Variants in SLIT3 observed in about 807,000 individuals in gnomAD.
SLIT3 encodes the protein slit homolog 3 protein.
A neutral mutation model predicts 184.0 loss-of-function variants in SLIT3; 68 were observed. That is an observed-to-expected ratio of 0.37 (90% confidence interval 0.30 to 0.45). The LOEUF (loss-of-function observed/expected upper bound fraction) is 0.45. Among genes scored for constraint, SLIT3 ranks in the 20% least tolerant of loss-of-function variants. The probability of loss-of-function intolerance (pLI) is 1.00; values close to 1 mark genes in which losing one functional copy is unlikely to be tolerated. For synonymous variants in SLIT3, 831 were observed against 828.6 expected, an observed-to-expected ratio of 1.00 and a Z score of -0.05; for missense variants, 1,707 against 2,026.0, an observed-to-expected ratio of 0.84 and a Z score of 3.02.
chr5:169,091,225 A>G (rs1759571823), intron 4 of SLIT3, among the ~76,000 whole-genome samples: 1 of 152,240 alleles, frequency 6.6e-6, no homozygotes, highest in African/African-American at 2.4e-5. Flanking sequence ...TAATATTTCT[A>G]GTCATCTAGG....
intron 4 of SLIT3, among the ~76,000 whole-genome samples, chr5:169,142,726 A>G (rs1761787178): frequency 6.6e-6 from 1 of 152,126 alleles, no homozygotes; most frequent in Admixed American, 6.6e-5. Context: ...GCCACCCTCT[A>G]TGGGAAAACC....
intron 11 of SLIT3, among the ~76,000 whole-genome samples, chr5:168,788,596 AT>A (rs142362511): frequency 0.07 from 10,587 of 151,020 alleles, 1,213 homozygotes; most frequent in African/African-American, 0.24. Context: ...ACAAAACAAG[AT>A]TTTTTTTTGA....
At chr5:168,994,071 G>C (rs1755423480) in intron 4 of SLIT3, 1 of 152,298 alleles carries the variant, frequency 6.6e-6, no homozygotes, top group Admixed American at 6.5e-5. Context: ...TTGTGTGGCT[G>C]TAGGAGGAGA....
chr5:168,666,803 A>T, intron 35 of SLIT3, 114 bp from the exon 36 acceptor site: 1 of 1,523,928 alleles, frequency 6.6e-7, no homozygotes, highest in East Asian at 2.4e-5. Flanking sequence ...GTAAGAATTT[A>T]TTCACTCATC....
intron 5 of SLIT3, among the ~76,000 whole-genome samples, chr5:168,865,228 CTT>C (rs1413256238): frequency 1.0e-4 from 15 of 149,524 alleles, no homozygotes; most frequent in African/African-American, 2.9e-4. Flanking sequence ...TAAAATCACT[CTT>C]AAGTATTTAC....
chr5:169,090,109 G>A (rs1759513092), intron 4 of SLIT3, among the ~76,000 whole-genome samples: 1 of 152,140 alleles, frequency 6.6e-6, no homozygotes, highest in African/African-American at 2.4e-5. Context: ...GTTCCCACCT[G>A]TACGCTAGAG....
intron 4 of SLIT3, among the ~76,000 whole-genome samples, chr5:169,123,766 G>C (rs1026389892): frequency 6.6e-6 from 1 of 152,236 alleles, no homozygotes; most frequent in Admixed American, 6.5e-5. Flanking sequence ...CCAAGAGGTG[G>C]AAGGGGTCCA....
intron 4 of SLIT3, among the ~76,000 whole-genome samples, chr5:169,053,741 C>A (rs1329112383): frequency 6.6e-6 from 1 of 151,614 alleles, no homozygotes; most frequent in African/African-American, 2.4e-5. Context: ...ATTATGTCCC[C>A]CCAAAAGATT....
chr5:169,279,316 C>T (rs147021775), intron 1 of SLIT3, among the ~76,000 whole-genome samples: 1 of 152,226 alleles, frequency 6.6e-6, no homozygotes, highest in East Asian at 1.9e-4. Flanking sequence ...ACAACAGATG[C>T]TACTTATTGA....
In SLIT3 at chr5:168,928,043, A is replaced by T. The variant is rs1581218576; in HGVS notation, c.414-44707T>A. ...TAGCGTGGATGTAGCTATTCCTCAC[A>T]TCAGATGAAGACCTTCAAGTCAGAG... On this transcript the variant is annotated intron_variant, in intron 4 of 35. Transcript: ENST00000519560. 3.3e-5 allele frequency among the ~76,000 whole-genome samples: 5 copies of T among 152,278 alleles called. 1 individual carries two copies. The highest frequency in any genetic ancestry group is 3.3e-4 in the Admixed American group (5 of 15,286).
At chr5:169,253,449 G>A (rs1290215834) in intron 1 of SLIT3, among the ~76,000 whole-genome samples, 1 of 152,164 alleles carries the variant, frequency 6.6e-6, no homozygotes, top group Non-Finnish European at 1.5e-5. Flanking sequence ...TTAGTGTTTG[G>A]GAGCTGAGCT....
At chr5:169,145,632 T>G (rs1018143520) in intron 4 of SLIT3, among the ~76,000 whole-genome samples, 1 of 152,224 alleles carries the variant, frequency 6.6e-6, no homozygotes, top group African/African-American at 2.4e-5. Context: ...ATGCTCTGTA[T>G]GGATAAAACT....
intron 4 of SLIT3, among the ~76,000 whole-genome samples, chr5:168,970,324 C>T (rs1052935292): frequency 6.6e-6 from 1 of 151,826 alleles, no homozygotes; most frequent in African/African-American, 2.4e-5. Context: ...GGTGAAACCC[C>T]ATCTCTACTA....
chr5:168,956,729 G>C (rs987790914), intron 4 of SLIT3, among the ~76,000 whole-genome samples: 2 of 152,138 alleles, frequency 1.3e-5, no homozygotes. Flanking sequence ...GGAGGCAGAG[G>C]TTGCAGTGAG....
rs1761041431 is a variant in SLIT3, at chr5:168,666,355, GC to G, written c.*98del. The stretch of plus-strand genomic sequence containing the variant: ...CTCTTCTTCTTTACCTTCCTCTCCA[GC>G]TTCATTTCCTTCATGCTGAATCACC... On this transcript the variant is annotated 3_prime_UTR_variant, in exon 36 of 36. Coordinates refer to ENST00000519560, the MANE Select transcript of SLIT3 (RefSeq NM_003062.4). 8.5e-7 allele frequency: 1 copy of G among 1,181,200 alleles called. No homozygotes were observed. Among genetic ancestry groups the G allele is most frequent in the Non-Finnish European group, 1.1e-6 (1 of 880,972 alleles). The allele number at this position is 1,181,200 out of a possible 1,614,324, so 73.2% of individuals were successfully genotyped here.
intron 4 of SLIT3, among the ~76,000 whole-genome samples, chr5:168,901,804 T>G (rs1289957155): frequency 6.6e-6 from 1 of 152,206 alleles, no homozygotes; most frequent in Non-Finnish European, 1.5e-5. Flanking sequence ...GAGCAGCTGA[T>G]CTGGCTAACT....
intron 4 of SLIT3, among the ~76,000 whole-genome samples, chr5:169,162,983 A>C (rs1277774578): frequency 6.6e-6 from 1 of 152,138 alleles, no homozygotes; most frequent in East Asian, 1.9e-4. Context: ...CACAGAGTAA[A>C]TATCTCAATA....
intron 4 of SLIT3, among the ~76,000 whole-genome samples, chr5:168,953,323 T>C (rs1020198829): frequency 2.6e-5 from 4 of 152,188 alleles, no homozygotes; most frequent in African/African-American, 9.7e-5. Flanking sequence ...ATCTCATCAG[T>C]GCCGTTGTGA....
At position 168,669,872 on chromosome 5, in the gene SLIT3, T is replaced by G. The variant is rs775669982; in HGVS notation, c.4247A>C (p.Lys1416Thr). 1 of 1,614,076 alleles carries G rather than the reference T, an allele frequency of 6.2e-7. No homozygotes were observed. Among genetic ancestry groups the G allele is most frequent in the East Asian group, 2.2e-5 (1 of 44,902 alleles). ...GATGTGGCACTGCCCATGGTGACAC[T>G]TGAAGGCTGAGCAGGCATTGGCAGA... is the stretch of plus-strand genomic sequence containing the variant. ...NDSANACSAF[K>T]CHHGQCHISD... The change falls in exon 35 of 36, where the codon AAG (lysine) becomes ACG (threonine). Residue 1416 changes from lysine to threonine, a missense_variant. Lys to Thr is a moderately conservative substitution (Grantham distance 78). This residue lies in a region of SLIT3 where 387 missense variants were observed against 477.9 expected (regional missense o/e 0.81). Coordinates refer to ENST00000519560, the MANE Select transcript of SLIT3 (RefSeq NM_003062.4).
Sources: allele counts gnomAD v4.1 joint callset (sites outside exome capture counted in the v4.1 genomes callset), GRCh38; gene constraint gnomAD v4.1.1; regional missense constraint gnomAD v4.1.1; transcripts MANE v1.5; gene names NCBI Gene and HGNC (gene_info 2026-07-23, HGNC 2026-07-21).